The following HECW1 variants were observed in gnomAD, a reference collection of about 807,000 sequenced individuals.
HECW1 encodes E3 ubiquitin-protein ligase HECW1.
Under a neutral mutation model 182.3 loss-of-function variants are expected in HECW1, and 61 were observed. The observed-to-expected ratio is 0.33, with a 90% confidence interval of 0.27 to 0.41. The LOEUF is 0.41. HECW1 is among the 10% of genes least tolerant of loss of function. The probability of loss-of-function intolerance (pLI) is 1.00; values close to 1 mark genes in which losing one functional copy is unlikely to be tolerated. For synonymous variants in HECW1, 859 were observed against 832.6 expected (o/e 1.03, Z -0.55); for missense variants, 1,739 against 2,108.9 (o/e 0.82, Z 3.44).
At chr7:43,380,630 C>A (rs986551649) in intron 6 of HECW1, among the ~76,000 whole-genome samples, 1 of 152,026 alleles carries the variant, frequency 6.6e-6, no homozygotes, top group African/African-American at 2.4e-5. Flanking sequence ...TGGGTTCAAG[C>A]GATTCTCCTG....
At chr7:43,226,690 G>A (rs990670846) in intron 2 of HECW1, among the ~76,000 whole-genome samples, 4 of 151,892 alleles carry the variant, frequency 2.6e-5, no homozygotes, top group African/African-American at 9.7e-5. Context: ...GAGCCTGTGA[G>A]GGGAAAAGGC....
chr7:43,499,475 A>G (rs560348114), intron 19 of HECW1, among the ~76,000 whole-genome samples: 8 of 150,894 alleles, frequency 5.3e-5, no homozygotes, highest in South Asian at 4.2e-4. Context: ...TCTCAAAAAA[A>G]AAAGAAAGAA....
chr7:43,337,171 G>A (rs1812401184), intron 5 of HECW1, among the ~76,000 whole-genome samples: 1 of 152,106 alleles, frequency 6.6e-6, no homozygotes, highest in African/African-American at 2.4e-5. Flanking sequence ...AAGTATATGA[G>A]TGTCCCCCTT....
chr7:43,227,648 T>C (rs554706016), intron 2 of HECW1, among the ~76,000 whole-genome samples: 1 of 151,700 alleles, frequency 6.6e-6, no homozygotes, highest in East Asian at 1.9e-4. Context: ...TTAATTGACA[T>C]TTTTTCTTAC....
chr7:43,437,950 G>T, intron 8 of HECW1, 53 bp from the exon 9 acceptor site: 1 of 1,590,608 alleles, frequency 6.3e-7, no homozygotes. Context: ...ACTGGGAATT[G>T]ACCAGCCCTC....
intron 2 of HECW1, among the ~76,000 whole-genome samples, chr7:43,228,266 A>G (rs548207839): frequency 3.5e-4 from 54 of 152,238 alleles, no homozygotes; most frequent in Admixed American, 4.6e-4. Context: ...CAGGGGAATC[A>G]CTTGAGTCTA....
In HECW1 at chr7:43,469,089, C is replaced by T. The variant is rs374098288; in HGVS notation, c.3083C>T (p.Thr1028Met). 13 of 1,613,948 alleles carry T rather than the reference C, an allele frequency of 8.1e-6. No homozygotes were observed. Among genetic ancestry groups the T allele is most frequent in the African/African-American group, 5.3e-5 (4 of 75,046 alleles). ...LELPRGWEIK[T>M]DQQGKSFFVD... ...CTGCCCCGGGGCTGGGAGATCAAAACGGACCAGCAGGGAAAGGTGAGTGTG... is the reference window on the plus strand; with the variant it reads ...CTGCCCCGGGGCTGGGAGATCAAAATGGACCAGCAGGGAAAGGTGAGTGTG... Residue 1028 changes from threonine to methionine, a missense_variant, in exon 16 of 30, where the codon ACG becomes ATG. By Grantham distance (81) the Thr-to-Met change is moderately conservative. Coordinates refer to ENST00000395891, the MANE Select transcript of HECW1 (RefSeq NM_015052.5).
intron 17 of HECW1, among the ~76,000 whole-genome samples, chr7:43,480,683 GCA>G (rs1563034717): frequency 8.6e-6 from 1 of 116,820 alleles, no homozygotes; most frequent in Non-Finnish European, 2.0e-5. Context: ...ACATATATAC[GCA>G]TATATATATA....
At chr7:43,559,056 G>A (rs1448683519) in intron 29 of HECW1, among the ~76,000 whole-genome samples, 2 of 152,196 alleles carry the variant, frequency 1.3e-5, no homozygotes, top group Non-Finnish European at 2.9e-5. Context: ...TGCCACTTTT[G>A]TGTGTTTCTA....
At chr7:43,504,021 G>A (rs1403173737) in intron 21 of HECW1, among the ~76,000 whole-genome samples, 4 of 152,024 alleles carry the variant, frequency 2.6e-5, no homozygotes, top group South Asian at 2.1e-4. Flanking sequence ...GGGCCCCAAC[G>A]CTTCCTTGCT....
In HECW1 at chr7:43,535,474, C is replaced by A. The variant is rs575611774; in HGVS notation, c.4020-5689C>A. Among the ~76,000 whole-genome samples, 4 of 152,260 alleles carry A rather than the reference C, an allele frequency of 2.6e-5. No homozygotes were observed. The East Asian group carries it at 7.7e-4, about 29-fold the overall frequency. On this transcript the variant is annotated intron_variant, in intron 24 of 29. Transcript: ENST00000395891. ...CTGGGGAGGTGCTGATGTGCGCGCACCAAGAGTGACATTTGCTCATTCCCA... is the reference window on the plus strand; with the variant it reads ...CTGGGGAGGTGCTGATGTGCGCGCAACAAGAGTGACATTTGCTCATTCCCA...
Position 43,493,196 on chromosome 7 carries a change from C to T in HECW1, c.3437+16C>T, listed in dbSNP as rs769555131. On this transcript the variant is annotated intron_variant, in intron 19 of 29. Coordinates refer to ENST00000395891, the MANE Select transcript of HECW1 (RefSeq NM_015052.5). ...ACACACTCAGGTAAGCCTCGCCCCT[C>T]ACTCCCTGGAACTCTAGGTCTTTCC... 1.9e-6 allele frequency: 3 copies of T among 1,562,038 alleles called. No homozygotes were observed. In the South Asian group the frequency reaches 3.3e-5, roughly 17 times the overall value.
chr7:43,542,359 T>C (rs1001967367), intron 26 of HECW1, among the ~76,000 whole-genome samples: 2 of 152,088 alleles, frequency 1.3e-5, no homozygotes, highest in Admixed American at 6.6e-5. Context: ...TGTTGTAGCA[T>C]GTGTCTGAAT....
At chr7:43,437,890 A>T in intron 8 of HECW1, 113 bp from the exon 9 acceptor site, 1 of 1,015,824 alleles carries the variant, frequency 9.8e-7, no homozygotes, top group Non-Finnish European at 1.5e-6. Flanking sequence ...CTTTATATAT[A>T]GGTATATTAT....
intron 2 of HECW1, among the ~76,000 whole-genome samples, chr7:43,158,823 A>C (rs866427556): frequency 6.6e-6 from 1 of 152,202 alleles, no homozygotes; most frequent in African/African-American, 2.4e-5. Flanking sequence ...AAAATACTTT[A>C]AAAAACCAAT....
chr7:43,184,088 ACTG>A (rs1287226475), intron 2 of HECW1, among the ~76,000 whole-genome samples: 1 of 151,934 alleles, frequency 6.6e-6, no homozygotes, highest in African/African-American at 2.4e-5. Context: ...ATCTTGGCTC[ACTG>A]CAAGCTCCAC....
chr7:43,285,735 A>C (rs745405108), intron 3 of HECW1, among the ~76,000 whole-genome samples: 12 of 152,154 alleles, frequency 7.9e-5, no homozygotes, highest in Non-Finnish European at 1.6e-4. Context: ...TCAAGGCTGC[A>C]GTGAGCCGTA....
At chr7:43,344,733 G>T (rs1297831567) in intron 5 of HECW1, among the ~76,000 whole-genome samples, 1 of 151,592 alleles carries the variant, frequency 6.6e-6, no homozygotes, top group Non-Finnish European at 1.5e-5. Context: ...TTCTTTCTGG[G>T]TTTTTTTCTG....
chr7:43,115,411 A>G (rs1784964408), intron 2 of HECW1, among the ~76,000 whole-genome samples: 1 of 151,304 alleles, frequency 6.6e-6, no homozygotes, highest in Non-Finnish European at 1.5e-5. Context: ...GGAGTTATTC[A>G]TTCCAACCCC....
Sources: gnomAD v4.1 joint callset for allele counts (sites outside exome capture counted in the v4.1 genomes callset) on GRCh38, gnomAD v4.1.1 for gene constraint, MANE v1.5 for transcripts, NCBI Gene and HGNC (gene_info 2026-07-23, HGNC 2026-07-21) for gene names.